The following EEF1AKMT4 variants were observed in gnomAD, a reference collection of about 807,000 sequenced individuals.
EEF1AKMT4 encodes the protein EEF1A lysine methyltransferase 4, also known as eukaryotic translation elongation factor 1 alpha lysine specific methyltransferase 4.
A neutral mutation model predicts 23.0 loss-of-function variants in EEF1AKMT4; 17 were observed. That is an observed-to-expected ratio of 0.74 (90% CI 0.51 to 1.11). The LOEUF is 1.11. EEF1AKMT4 is among the 50% of genes least tolerant of loss of function. The pLI is 0.00. For synonymous variants in EEF1AKMT4, 140 were observed against 141.4 expected, an observed-to-expected ratio of 0.99 and a Z score of 0.07; for missense variants, 318 against 333.4, an observed-to-expected ratio of 0.95 and a Z score of 0.36.
chr3:184,257,787 C>CA, intron 2 of EEF1AKMT4, 31 bp downstream of exon 2: 1 of 1,587,916 alleles, frequency 6.3e-7, no homozygotes, highest in Non-Finnish European at 8.6e-7. Flanking sequence ...GAAAGCAGAT[C>CA]AATAGGTGGG....
At chr3:184,251,228 G>A (rs886499229) in intron 1 of EEF1AKMT4, among the ~76,000 whole-genome samples, 2 of 152,016 alleles carry the variant, frequency 1.3e-5, no homozygotes, top group Admixed American at 6.6e-5. Context: ...AACATAGTGA[G>A]ATCCCATCTC....
At chr3:184,258,133 G>A (rs1481446466) in intron 2 of EEF1AKMT4, among the ~76,000 whole-genome samples, 155 bp from the exon 3 acceptor site, 1 of 152,118 alleles carries the variant, frequency 6.6e-6, no homozygotes. Flanking sequence ...AATGGCCAGG[G>A]GCAGAGAAAG....
At chr3:184,255,101 C>T (rs911375270) in intron 1 of EEF1AKMT4, among the ~76,000 whole-genome samples, 5 of 152,134 alleles carry the variant, frequency 3.3e-5, no homozygotes, top group Middle Eastern at 3.2e-3. Flanking sequence ...CCATCCTGTA[C>T]TAAGGAGAAC....
chr3:184,256,828 G>A (rs1162065590), intron 1 of EEF1AKMT4, among the ~76,000 whole-genome samples: 1 of 151,312 alleles, frequency 6.6e-6, no homozygotes, highest in East Asian at 2.0e-4. Context: ...GTGCCACCAC[G>A]CCTGGCTAAT....
chr3:184,258,468 C>T lies in EEF1AKMT4; in HGVS notation c.661C>T (p.Gln221Ter), dbSNP rs776750663. ...MHKGGKLSVA[Q>*]LALGAQILSP... The stretch of plus-strand genomic sequence containing the variant: ...CAAGGGCGGGAAGCTCAGTGTGGCC[C>T]AGCTGGCTCTGGGGGCCCAAATCCT... The change falls in exon 3 of 3, where the codon CAG becomes TAG. Residue 221 changes from glutamine to a stop codon, truncating the protein, a stop_gained. Coordinates refer to ENST00000324557, the MANE Select transcript of EEF1AKMT4 (RefSeq NM_032331.4). LOFTEE classifies it high-confidence loss of function. 2 of 1,613,888 alleles carry T rather than the reference C, an allele frequency of 1.2e-6. No homozygotes were observed. Among genetic ancestry groups the T allele is most frequent in the East Asian group, 4.5e-5 (2 of 44,878 alleles).
chr3:184,256,410 G>C (rs1319204042), intron 1 of EEF1AKMT4, among the ~76,000 whole-genome samples: 1 of 152,024 alleles, frequency 6.6e-6, no homozygotes, highest in African/African-American at 2.4e-5. Context: ...CCCCTAACAT[G>C]AGGCCTTCCC....
intron 1 of EEF1AKMT4, among the ~76,000 whole-genome samples, chr3:184,255,474 G>T (rs555199259): frequency 2.0e-5 from 3 of 152,334 alleles, no homozygotes; most frequent in African/African-American, 7.2e-5. Flanking sequence ...CTGATCCCAT[G>T]ATCCTCTTAG....
At chr3:184,254,610 G>A (rs1456215332) in intron 1 of EEF1AKMT4, among the ~76,000 whole-genome samples, 1 of 151,470 alleles carries the variant, frequency 6.6e-6, no homozygotes, top group East Asian at 1.9e-4. Flanking sequence ...CTACTCGGGA[G>A]GCTGAGGCAG....
chr3:184,249,887 C>A lies in EEF1AKMT4; in HGVS notation c.193C>A (p.Leu65Ile). Residue 65 changes from leucine (L) to isoleucine (I), a missense_variant, in exon 1 of 3, where the codon CTA becomes ATA. By Grantham distance (5) the Leu-to-Ile change is conservative. Transcript: ENST00000324557. ...GCGGCCCGAGGACCGTATCCTTGTGCTAGGTGGGTAATCCCGGCGCGGCCC... is the reference window on the plus strand; with the variant it reads ...GCGGCCCGAGGACCGTATCCTTGTGATAGGTGGGTAATCCCGGCGCGGCCC... ...ELRPEDRILV[L>I]GCGNSALSYE... 1 of 1,607,994 alleles carries A rather than the reference C, an allele frequency of 6.2e-7. No individual in the cohort carries two copies.
Position 184,256,272 on chromosome 3 carries a change from C to CAGAAAAAAAAA in EEF1AKMT4, c.197-1200_197-1199insGAAAAAAAAAA, listed in dbSNP as rs1323118764. On this transcript the variant is annotated intron_variant, in intron 1 of 2. Transcript: ENST00000324557. ...GGGCAACAAGAGTGAAACTCCATCT[C>CAGAAAAAAAAA]AAAAAAAAAAAAAAAAAAGAAAAGA... Among the ~76,000 whole-genome samples the CAGAAAAAAAAA allele has an allele frequency of 4.9e-3, 263 of 54,180 alleles. 6 individuals carry two copies. Among genetic ancestry groups the CAGAAAAAAAAA allele is most frequent in the African/African-American group, 0.016 (244 of 15,108 alleles). 35.5% of individuals were successfully genotyped at this position (54,180 alleles called of 152,430 possible).
intron 1 of EEF1AKMT4, among the ~76,000 whole-genome samples, chr3:184,251,624 G>A (rs1478743174): frequency 6.6e-6 from 1 of 152,168 alleles, no homozygotes; most frequent in African/African-American, 2.4e-5. Context: ...GATCGTTTGA[G>A]CCAGGAGATC....
chr3:184,257,935 C>T lies in EEF1AKMT4; in HGVS notation c.480+179C>T, dbSNP rs142968686. Among the ~76,000 whole-genome samples, 9 of 152,176 alleles carry T rather than the reference C, an allele frequency of 5.9e-5. No individual in the cohort carries two copies. Among genetic ancestry groups the T allele is most frequent in the African/African-American group, 1.2e-4 (5 of 41,500 alleles). ...TAAGCGGGGTCGAGATTTATAGAGGCGGCTGGAGTAGTCAGGCTCACAAAG... is the reference window on the plus strand; with the variant it reads ...TAAGCGGGGTCGAGATTTATAGAGGTGGCTGGAGTAGTCAGGCTCACAAAG... On this transcript the variant is annotated intron_variant, in intron 2 of 2. Coordinates refer to ENST00000324557, the MANE Select transcript of EEF1AKMT4 (RefSeq NM_032331.4).
At chr3:184,253,822 A>G (rs1352609499) in intron 1 of EEF1AKMT4, among the ~76,000 whole-genome samples, 4 of 151,566 alleles carry the variant, frequency 2.6e-5, no homozygotes, top group African/African-American at 7.3e-5. Flanking sequence ...GGCGCCCACC[A>G]CCACACCTGG....
chr3:184,257,516 C>T lies in EEF1AKMT4; in HGVS notation c.240C>T (p.Gly80=), dbSNP rs565271073. Residue 80 remains glycine (G), a synonymous_variant, in exon 2 of 3, where the codon GGC becomes GGT. Coordinates refer to ENST00000324557, the MANE Select transcript of EEF1AKMT4 (RefSeq NM_032331.4). ...SALSYELFLG[G]FPNVTSVDYS... ...TGAGCTACGAGCTGTTCCTCGGAGG[C>T]TTCCCTAATGTGACCAGTGTGGACT... The T allele has an allele frequency of 1.2e-6, 2 of 1,612,134 alleles. No individual in the cohort carries two copies. Among genetic ancestry groups the T allele is most frequent in the African/African-American group, 2.7e-5 (2 of 75,026 alleles).
intron 1 of EEF1AKMT4, among the ~76,000 whole-genome samples, chr3:184,256,272 C>CAAAAAAAAAAAAAAAAAAAAAAAAA (rs59087969): frequency 2.4e-4 from 13 of 54,200 alleles, no homozygotes; most frequent in Non-Finnish European, 3.7e-4. Context: ...AACTCCATCT[C>CAAAAAAAAAAAAAAAAAAAAAAAAA]AAAAAAAAAA....
chr3:184,249,698 G>A lies in EEF1AKMT4; in HGVS notation c.4G>A (p.Ala2Thr), dbSNP rs374014207. The change falls in exon 1 of 3, where the codon GCC becomes ACC. Residue 2 changes from alanine (A) to threonine (T), a missense_variant. Coordinates refer to ENST00000324557, the MANE Select transcript of EEF1AKMT4 (RefSeq NM_032331.4). Reference sequence around the variant, plus strand: ...TGGCTGCCCGGCGGTTGAGAGCATGGCCTCTCCAGGGGCAGGTAGGGCGCC... The same window carrying A: ...TGGCTGCCCGGCGGTTGAGAGCATGACCTCTCCAGGGGCAGGTAGGGCGCC... M[A>T]SPGAGRAPPE... 9.4e-6 allele frequency: 15 copies of A among 1,599,244 alleles called. No homozygotes were observed. The African/African-American group carries it at 1.7e-4, about 19-fold the overall frequency.
intron 1 of EEF1AKMT4, among the ~76,000 whole-genome samples, chr3:184,252,841 G>T (rs1309031229): frequency 1.3e-5 from 2 of 151,402 alleles, no homozygotes; most frequent in African/African-American, 4.9e-5. Context: ...TACTCCAGAG[G>T]CTGAGGCAAG....
Position 184,249,787 on chromosome 3 carries a change from A to G in EEF1AKMT4, c.93A>G (p.Gln31=). The change falls in exon 1 of 3, where the codon CAA becomes CAG. Residue 31 remains glutamine (Q), a synonymous_variant. Transcript: ENST00000324557. Reference sequence around the variant, plus strand: ...TCGAGTACTGGGATCAGCGCTACCAAGGCGCAGCCGATTCTGCCCCCTACG... The same window carrying G: ...TCGAGTACTGGGATCAGCGCTACCAGGGCGCAGCCGATTCTGCCCCCTACG... ...REVEYWDQRY[Q]GAADSAPYDW... The G allele has an allele frequency of 6.2e-7, 1 of 1,613,296 alleles. No individual in the cohort carries two copies. The highest frequency in any genetic ancestry group is 8.5e-7 in the Non-Finnish European group (1 of 1,180,004).
chr3:184,256,227 G>A (rs562615729), intron 1 of EEF1AKMT4, among the ~76,000 whole-genome samples: 70 of 142,398 alleles, frequency 4.9e-4, no homozygotes, highest in African/African-American at 1.7e-3. Context: ...AGCCGAGATC[G>A]TGCCTCTGCA....
Sources: gnomAD v4.1 joint callset for allele counts (sites outside exome capture counted in the v4.1 genomes callset) on GRCh38, gnomAD v4.1.1 for gene constraint, MANE v1.5 for transcripts, NCBI Gene and HGNC (gene_info 2026-07-23, HGNC 2026-07-21) for gene names.